Variants in MGMT observed in about 807,000 individuals in gnomAD.
The protein encoded by MGMT is methylated-DNA--protein-cysteine methyltransferase.
A neutral mutation model predicts 15.9 loss-of-function variants in MGMT; 14 were observed. The observed-to-expected ratio is 0.88, with a 90% confidence interval of 0.58 to 1.37. The LOEUF is 1.37. Ranked by LOEUF, MGMT falls within the 40% of genes most tolerant of loss-of-function variation. The pLI, the probability that MGMT is intolerant of heterozygous loss-of-function variation, is 0.00. For missense variants in MGMT, 282 were observed against 268.1 expected (o/e 1.05, Z -0.36); for synonymous variants, 130 against 118.2 (o/e 1.10, Z -0.65).
At chr10:129,689,638 G>A (rs1847947983) in intron 2 of MGMT, among the ~76,000 whole-genome samples, 1 of 152,168 alleles carries the variant, frequency 6.6e-6, no homozygotes, top group African/African-American at 2.4e-5. Context: ...TGTTTTCTTG[G>A]TCGATTGTGC....
At chr10:129,652,737 G>GGCCT (rs763823760) in intron 2 of MGMT, among the ~76,000 whole-genome samples, 47 of 152,212 alleles carry the variant, frequency 3.1e-4, no homozygotes, top group Non-Finnish European at 4.4e-4. Flanking sequence ...ATGGCCGGCC[G>GGCCT]GCCTGCCTGC....
At chr10:129,677,589 G>C (rs1777451923) in intron 2 of MGMT, among the ~76,000 whole-genome samples, 3 of 152,202 alleles carry the variant, frequency 2.0e-5, no homozygotes, top group African/African-American at 2.4e-5. Flanking sequence ...CTGTTTGTAA[G>C]CAGTGCCTCT....
At chr10:129,710,327 G>T (rs532493790) in intron 3 of MGMT, among the ~76,000 whole-genome samples, 1 of 152,216 alleles carries the variant, frequency 6.6e-6, no homozygotes, top group Non-Finnish European at 1.5e-5. Context: ...ATGGTAGTGC[G>T]ACAGCCGCTC....
intron 3 of MGMT, among the ~76,000 whole-genome samples, chr10:129,754,593 C>T (rs1391621767): frequency 6.6e-6 from 1 of 152,242 alleles, no homozygotes; most frequent in Non-Finnish European, 1.5e-5. Flanking sequence ...GCTGCTATAA[C>T]AACACTGCCA....
At chr10:129,663,137 A>T (rs1214165288) in intron 2 of MGMT, among the ~76,000 whole-genome samples, 1 of 152,238 alleles carries the variant, frequency 6.6e-6, no homozygotes, top group Admixed American at 6.5e-5. Flanking sequence ...CTTATCAAAA[A>T]TTAGGTTATG....
At chr10:129,613,546 G>A (rs1396512918) in intron 2 of MGMT, among the ~76,000 whole-genome samples, 4 of 152,208 alleles carry the variant, frequency 2.6e-5, no homozygotes, top group Admixed American at 2.0e-4. Context: ...AGTCTGGGGT[G>A]TAGTTGGGCT....
Position 129,566,223 on chromosome 10 carries a change from T to G in MGMT, c.125+29846T>G, listed in dbSNP as rs1846352701. ...AGAGCTGGACTTCCAGCCTGCTTCT[T>G]GGCTGTCTAGGTGCCAGGGGCTCGG... On this transcript the variant is annotated intron_variant, in intron 2 of 4. Coordinates refer to ENST00000651593, the MANE Select transcript of MGMT (RefSeq NM_002412.5). This position sits in a 1 kb window ranked among gnomAD's most constrained non-coding sequence, Gnocchi z 4.1. Among the ~76,000 whole-genome samples, 2 of 152,274 alleles carry G rather than the reference T, an allele frequency of 1.3e-5. No homozygotes were observed. Among genetic ancestry groups the G allele is most frequent in the South Asian group, 4.1e-4 (2 of 4,824 alleles).
intron 2 of MGMT, among the ~76,000 whole-genome samples, chr10:129,615,865 G>T (rs778112438): frequency 1.3e-5 from 2 of 152,170 alleles, no homozygotes; most frequent in Non-Finnish European, 1.5e-5. Flanking sequence ...GCTGCCCACG[G>T]CAGGGGGTGT....
intron 1 of MGMT, among the ~76,000 whole-genome samples, chr10:129,501,468 A>T (rs538252540): frequency 2.6e-5 from 4 of 152,328 alleles, no homozygotes; most frequent in African/African-American, 9.6e-5. Context: ...AGAGTTAACT[A>T]AATAGAATGT....
chr10:129,657,697 A>ACACACACACACG (rs1460843790), intron 2 of MGMT, among the ~76,000 whole-genome samples: 3 of 138,620 alleles, frequency 2.2e-5, no homozygotes, highest in Non-Finnish European at 4.6e-5. Flanking sequence ...ACACACACAC[A>ACACACACACACG]CACACACACG....
At chr10:129,608,600 ATC>A (rs1846921491) in intron 2 of MGMT, among the ~76,000 whole-genome samples, 1 of 152,242 alleles carries the variant, frequency 6.6e-6, no homozygotes, top group Non-Finnish European at 1.5e-5. Context: ...ATAAGGCATA[ATC>A]TCTCTGCGTA....
intron 1 of MGMT, among the ~76,000 whole-genome samples, chr10:129,529,489 C>T (rs546022685): frequency 2.6e-5 from 4 of 152,258 alleles, no homozygotes; most frequent in East Asian, 1.9e-4. Context: ...CTGACAGTAA[C>T]GCTGGCTCAC....
chr10:129,517,106 G>A (rs912818762), intron 1 of MGMT, among the ~76,000 whole-genome samples: 3 of 152,166 alleles, frequency 2.0e-5, no homozygotes, highest in African/African-American at 7.2e-5. Context: ...GAGCACAGAG[G>A]GTAGAAGAAG....
At chr10:129,625,252 A>G (rs932799887) in intron 2 of MGMT, among the ~76,000 whole-genome samples, 1 of 152,250 alleles carries the variant, frequency 6.6e-6, no homozygotes, top group Non-Finnish European at 1.5e-5. Context: ...ATCTAGGCCC[A>G]TACAGCTTCA....
chr10:129,479,518 GA>G (rs1000097746), intron 1 of MGMT, among the ~76,000 whole-genome samples: 1 of 152,168 alleles, frequency 6.6e-6, no homozygotes, highest in Non-Finnish European at 1.5e-5. Flanking sequence ...CTAAAATAGT[GA>G]AAAGTTCTCG....
chr10:129,713,775 C>T (rs905107835), intron 3 of MGMT, among the ~76,000 whole-genome samples: 2 of 152,018 alleles, frequency 1.3e-5, no homozygotes, highest in African/African-American at 4.8e-5. Context: ...TTACACCAGC[C>T]CTGCCTCCCA....
chr10:129,576,647 A>T (rs1229799932), intron 2 of MGMT, among the ~76,000 whole-genome samples: 1 of 152,206 alleles, frequency 6.6e-6, no homozygotes. Context: ...GCCCTCTTTC[A>T]CCACTCCTAT....
intron 2 of MGMT, among the ~76,000 whole-genome samples, chr10:129,665,855 G>A (rs368368334): frequency 7.9e-5 from 12 of 152,334 alleles, no homozygotes; most frequent in East Asian, 7.7e-4. Context: ...ACGTGTGCCT[G>A]TACTCCAGGG....
At chr10:129,523,755 G>A (rs986710235) in intron 1 of MGMT, among the ~76,000 whole-genome samples, 8 of 152,188 alleles carry the variant, frequency 5.3e-5, no homozygotes, top group Non-Finnish European at 7.3e-5. Context: ...CATAGAGAGA[G>A]CAGAGGTGGC....
Sources: allele counts gnomAD v4.1 joint callset (sites outside exome capture counted in the v4.1 genomes callset), GRCh38; gene constraint gnomAD v4.1.1; non-coding constraint Gnocchi (gnomAD v3.1); transcripts MANE v1.5; gene names NCBI Gene and HGNC (gene_info 2026-07-23, HGNC 2026-07-21).